SEMA6D: variants seen among roughly 807,000 people sequenced by gnomAD.
SEMA6D encodes semaphorin 6D, also known as semaphorin-6D.
A neutral mutation model predicts 106.6 loss-of-function variants in SEMA6D; 35 were observed. The ratio of observed to expected loss-of-function variants is 0.33; its 90% CI spans 0.25 to 0.44. The LOEUF (loss-of-function observed/expected upper bound fraction) is 0.44. Ranked by LOEUF, SEMA6D falls within the 20% of genes least tolerant of loss-of-function variation. The pLI is 1.00. For synonymous variants in SEMA6D, 499 were observed against 487.7 expected, an observed-to-expected ratio of 1.02 and a Z score of -0.31; for missense variants, 1,185 against 1,345.9, an observed-to-expected ratio of 0.88 and a Z score of 1.87.
chr15:47,656,283 G>A (rs145309155), intron 4 of SEMA6D, among the ~76,000 whole-genome samples: 1 of 152,258 alleles, frequency 6.6e-6, no homozygotes, highest in East Asian at 1.9e-4. Context: ...TGTGACCAGA[G>A]GCTCACAGGA....
At chr15:47,488,474 T>C (rs2043364052) in intron 3 of SEMA6D, among the ~76,000 whole-genome samples, 2 of 145,766 alleles carry the variant, frequency 1.4e-5, no homozygotes, top group Non-Finnish European at 3.0e-5. Flanking sequence ...GATCTCATTT[T>C]TGAAAAAAAA....
At chr15:47,591,212 T>C (rs1240527730) in intron 3 of SEMA6D, among the ~76,000 whole-genome samples, 2 of 152,142 alleles carry the variant, frequency 1.3e-5, no homozygotes, top group African/African-American at 4.8e-5. Context: ...CTCCCTCTTG[T>C]TCTTTTATTA....
At chr15:47,705,806 A>G (rs1020390832) in intron 4 of SEMA6D, among the ~76,000 whole-genome samples, 4 of 152,196 alleles carry the variant, frequency 2.6e-5, no homozygotes, top group African/African-American at 7.2e-5. Flanking sequence ...CTGCACTACG[A>G]AGCATTTTGG....
At chr15:47,336,067 C>G (rs1442940726) in intron 1 of SEMA6D, among the ~76,000 whole-genome samples, 2 of 152,170 alleles carry the variant, frequency 1.3e-5, no homozygotes, top group Non-Finnish European at 2.9e-5. Flanking sequence ...GGCTAGTGTC[C>G]TTCGGCTCAA....
intron 1 of SEMA6D, among the ~76,000 whole-genome samples, chr15:47,204,942 G>A (rs1894958586): frequency 6.6e-6 from 1 of 152,074 alleles, no homozygotes; most frequent in Non-Finnish European, 1.5e-5. Context: ...GGGGGGAGAA[G>A]GGAAAGAAGC....
intron 1 of SEMA6D, among the ~76,000 whole-genome samples, chr15:47,725,487 G>A (rs1263548167): frequency 6.6e-6 from 1 of 151,946 alleles, no homozygotes; most frequent in Non-Finnish European, 1.5e-5. Flanking sequence ...CCCCTTTCAG[G>A]GCCTGAGTCT....
At chr15:47,545,312 G>A (rs1264272933) in intron 3 of SEMA6D, among the ~76,000 whole-genome samples, 1 of 152,104 alleles carries the variant, frequency 6.6e-6, no homozygotes, top group Non-Finnish European at 1.5e-5. Context: ...ATCACTGGGT[G>A]AATACAATGG....
intron 1 of SEMA6D, among the ~76,000 whole-genome samples, chr15:47,301,381 CA>C (rs2036011081): frequency 8.1e-6 from 1 of 122,892 alleles, no homozygotes; most frequent in Admixed American, 9.2e-5. Flanking sequence ...AGAAACTAGA[CA>C]TACAGAATCT....
chr15:47,337,202 G>T (rs893927978), intron 1 of SEMA6D, among the ~76,000 whole-genome samples: 1 of 152,166 alleles, frequency 6.6e-6, no homozygotes, highest in Non-Finnish European at 1.5e-5. Flanking sequence ...GCAATCACCT[G>T]GGTCCATGAA....
intron 3 of SEMA6D, among the ~76,000 whole-genome samples, chr15:47,600,162 C>T (rs377391026): frequency 2.0e-5 from 3 of 152,218 alleles, no homozygotes; most frequent in Non-Finnish European, 2.9e-5. Context: ...GAGAACCAGG[C>T]GTGGTGTTTG....
intron 1 of SEMA6D, among the ~76,000 whole-genome samples, chr15:47,221,311 CT>C (rs1319742469): frequency 1.3e-5 from 2 of 152,238 alleles, no homozygotes; most frequent in Non-Finnish European, 2.9e-5. Context: ...CCAGCTCCCC[CT>C]GGGCTGTAAG....
chr15:47,411,576 T>A (rs2040800660), intron 1 of SEMA6D, among the ~76,000 whole-genome samples: 1 of 152,096 alleles, frequency 6.6e-6, no homozygotes, highest in African/African-American at 2.4e-5. Context: ...AACAAAAACT[T>A]ATCTAAGAAT....
intron 1 of SEMA6D, among the ~76,000 whole-genome samples, chr15:47,372,019 C>A (rs2039290840): frequency 6.6e-6 from 1 of 152,168 alleles, no homozygotes; most frequent in Admixed American, 6.5e-5. Context: ...CATTGCCAGT[C>A]CCCATGCAGG....
chr15:47,653,851 G>A (rs1447150640), intron 4 of SEMA6D, among the ~76,000 whole-genome samples: 2 of 152,092 alleles, frequency 1.3e-5, no homozygotes, highest in African/African-American at 4.8e-5. Flanking sequence ...AATTAATCAG[G>A]GATTAAAGGC....
intron 1 of SEMA6D, among the ~76,000 whole-genome samples, chr15:47,318,266 T>A (rs57937662): frequency 0.065 from 9,774 of 151,196 alleles, 1,252 homozygotes; most frequent in East Asian, 0.6. Context: ...TTCTTTTTTT[T>A]AAAATTTATT....
At chr15:47,704,255 G>A (rs1051966313) in intron 4 of SEMA6D, among the ~76,000 whole-genome samples, 2 of 151,862 alleles carry the variant, frequency 1.3e-5, no homozygotes, top group African/African-American at 4.8e-5. Context: ...CAAAGTACTG[G>A]GATTACAGTC....
chr15:47,193,251 G>A (rs140936770), intron 1 of SEMA6D, among the ~76,000 whole-genome samples: 2 of 152,190 alleles, frequency 1.3e-5, no homozygotes, highest in African/African-American at 4.8e-5. Flanking sequence ...TATCTTATAA[G>A]GTTGTTATGA....
chr15:47,748,008 G>T (rs1295164596), intron 1 of SEMA6D, among the ~76,000 whole-genome samples: 2 of 152,216 alleles, frequency 1.3e-5, no homozygotes, highest in Non-Finnish European at 2.9e-5. Context: ...TGGGAAAGCT[G>T]CAAAGTGAGC....
At chr15:47,546,058 G>A (rs1385473809) in intron 3 of SEMA6D, among the ~76,000 whole-genome samples, 1 of 152,120 alleles carries the variant, frequency 6.6e-6, no homozygotes, top group Non-Finnish European at 1.5e-5. Flanking sequence ...GTGCATTTAT[G>A]CATAAGCGAG....
Sources: gnomAD v4.1 joint callset for allele counts (sites outside exome capture counted in the v4.1 genomes callset) on GRCh38, gnomAD v4.1.1 for gene constraint, MANE v1.5 for transcripts, NCBI Gene and HGNC (gene_info 2026-07-23, HGNC 2026-07-21) for gene names.